Variants in RNU2-63P observed in about 807,000 individuals in gnomAD.
RNU2-63P encodes RNA, U2 small nuclear 63, pseudogene.
chr2:88,016,493 A>G (rs555835793), exon 1 of RNU2-63P: 1 of 152,158 alleles, frequency 6.6e-6, no homozygotes, highest in African/African-American at 2.4e-5. Context: ...CCAGATATTA[A>G]ACTGATAAGA....
At chr2:88,016,403 A>G (rs996022629) in exon 1 of RNU2-63P, 7 of 152,146 alleles carry the variant, frequency 4.6e-5, no homozygotes, top group South Asian at 2.1e-4. Flanking sequence ...CGATGCGTAG[A>G]CTAGATAGAG....
chr2:88,016,519 A>C (rs997055678), exon 1 of RNU2-63P: 2 of 152,234 alleles, frequency 1.3e-5, no homozygotes, highest in Admixed American at 6.5e-5. Context: ...CACTACACTC[A>C]ATCATTAACC....
exon 1 of RNU2-63P, chr2:88,016,527 A>G (rs748091755): frequency 2.6e-5 from 4 of 152,226 alleles, no homozygotes; most frequent in African/African-American, 9.6e-5. Flanking sequence ...TCAATCATTA[A>G]CCAAACAGCA....
Sources: allele counts gnomAD v4.1 joint callset, GRCh38; gene constraint gnomAD v4.1.1; transcripts MANE v1.5; gene names NCBI Gene and HGNC (gene_info 2026-07-23, HGNC 2026-07-21).